The following CCDC126 variants were observed in gnomAD, a reference collection of about 807,000 sequenced individuals.
CCDC126 encodes the protein coiled-coil domain containing 126.
Under a neutral mutation model 11.7 loss-of-function variants are expected in CCDC126, and 5 were observed. The observed-to-expected ratio is 0.43, with a 90% confidence interval of 0.22 to 0.90. CCDC126 has a LOEUF of 0.90. CCDC126 is among the 40% of genes least tolerant of loss of function. The pLI is 0.27. For synonymous variants in CCDC126, 60 were observed against 61.9 expected (o/e 0.97, Z 0.14); for missense variants, 150 against 163.1 (o/e 0.92, Z 0.44).
At chr7:23,616,963 CT>C (rs1263710107) in intron 3 of CCDC126, among the ~76,000 whole-genome samples, 8 of 152,242 alleles carry the variant, frequency 5.3e-5, no homozygotes, top group Non-Finnish European at 7.4e-5. Context: ...CCATTTCTGT[CT>C]TTTTACTTCA....
At chr7:23,613,882 A>G (rs1782755793) in intron 3 of CCDC126, among the ~76,000 whole-genome samples, 2 of 152,226 alleles carry the variant, frequency 1.3e-5, no homozygotes, top group South Asian at 4.1e-4. Context: ...GTGCAGTAGC[A>G]TTATGTCTTA....
chr7:23,640,115 G>A (rs2128023058), intron 3 of CCDC126, among the ~76,000 whole-genome samples: 1 of 152,104 alleles, frequency 6.6e-6, no homozygotes, highest in South Asian at 2.1e-4. Context: ...CCTGGGAGGT[G>A]GAGGTTGCAG....
At chr7:23,638,746 A>AAAAAAAAAAAAAAAAAAAAAT (rs1783293973) in intron 3 of CCDC126, among the ~76,000 whole-genome samples, 1 of 116,928 alleles carries the variant, frequency 8.6e-6, no homozygotes, top group Non-Finnish European at 1.9e-5. Context: ...AAAAAAAAAA[A>AAAAAAAAAAAAAAAAAAAAAT]CCAAAAAGAT....
At chr7:23,640,859 C>T (rs938161987) in intron 3 of CCDC126, among the ~76,000 whole-genome samples, 1 of 152,160 alleles carries the variant, frequency 6.6e-6, no homozygotes, top group Non-Finnish European at 1.5e-5. Context: ...ATTGTATTTA[C>T]ATATATACCA....
chr7:23,628,573 AC>A (rs1234289010), intron 3 of CCDC126, among the ~76,000 whole-genome samples: 2 of 152,224 alleles, frequency 1.3e-5, no homozygotes, highest in African/African-American at 4.8e-5. Flanking sequence ...TTTCAAGGCT[AC>A]AGTGAGGCAT....
At chr7:23,600,531 C>T (rs1782522741) in intron 2 of CCDC126, among the ~76,000 whole-genome samples, 1 of 152,070 alleles carries the variant, frequency 6.6e-6, no homozygotes, top group East Asian at 1.9e-4. Flanking sequence ...AACCTCTGAG[C>T]TGTGGTGAAC....
chr7:23,619,586 T>A (rs1454583266), intron 3 of CCDC126: 5 of 214,786 alleles, frequency 2.3e-5, no homozygotes, highest in South Asian at 7.5e-5. Context: ...TTAAGAAAAA[T>A]ATATTTTTAT....
chr7:23,620,651 C>T (rs1308022931), intron 3 of CCDC126, among the ~76,000 whole-genome samples: 3 of 151,988 alleles, frequency 2.0e-5, no homozygotes, highest in Non-Finnish European at 2.9e-5. Flanking sequence ...GAAGTCCTTG[C>T]CCATGCCTAT....
In CCDC126 at chr7:23,605,174, G is replaced by C. The variant is rs565443488; in HGVS notation, c.-145-5997G>C. Among the ~76,000 whole-genome samples, 18 of 152,200 alleles carry C rather than the reference G, an allele frequency of 1.2e-4. No homozygotes were observed. The South Asian group carries it at 3.7e-3, about 32-fold the overall frequency. ...CAAGCTAGGGAATAGCAATTGTATAGACCCTGAGGTCAGAAAGAATTTAAT... is the reference window on the plus strand; with the variant it reads ...CAAGCTAGGGAATAGCAATTGTATACACCCTGAGGTCAGAAAGAATTTAAT... On this transcript the variant is annotated intron_variant, in intron 2 of 3. Transcript: ENST00000307471.
chr7:23,619,057 C>CA (rs1171157240), intron 3 of CCDC126, among the ~76,000 whole-genome samples: 1 of 152,138 alleles, frequency 6.6e-6, no homozygotes, highest in Non-Finnish European at 1.5e-5. Flanking sequence ...TCTCAGCACT[C>CA]ACTACCTTCA....
intron 2 of CCDC126, among the ~76,000 whole-genome samples, chr7:23,603,845 T>TG (rs887114332): frequency 2.0e-5 from 3 of 152,070 alleles, no homozygotes; most frequent in African/African-American, 7.2e-5. Flanking sequence ...CTAGGCTCTG[T>TG]GGGGGATGTG....
chr7:23,600,032 T>G (rs2128013255), intron 2 of CCDC126, among the ~76,000 whole-genome samples: 1 of 152,226 alleles, frequency 6.6e-6, no homozygotes, highest in South Asian at 2.1e-4. Context: ...TGATCCGCCC[T>G]CTTCAGCCTC....
chr7:23,640,024 A>AAT (rs1783325689), intron 3 of CCDC126, among the ~76,000 whole-genome samples: 1 of 151,792 alleles, frequency 6.6e-6, no homozygotes, highest in East Asian at 1.9e-4. Context: ...CTCTACTAAA[A>AAT]ATACAAAAAT....
At chr7:23,617,440 C>T (rs55960259) in intron 3 of CCDC126, among the ~76,000 whole-genome samples, 1,667 of 149,948 alleles carry the variant, frequency 0.011, 33 homozygotes, top group African/African-American at 0.039. Context: ...TTTTCTGAAG[C>T]GTTTTTATGT....
rs1446154513 is a variant in CCDC126, at chr7:23,611,568, G to A, written c.238+15G>A. 6.5e-7 allele frequency: 1 copy of A among 1,549,694 alleles called. No homozygotes were observed. The highest frequency in any genetic ancestry group is 1.4e-5 in the African/African-American group (1 of 73,532). Reference sequence around the variant, plus strand: ...GGCAGGATATGGTAAGATAACCGTAGAATATTTCTAGTTTCCTCCAATCCC... The same window carrying A: ...GGCAGGATATGGTAAGATAACCGTAAAATATTTCTAGTTTCCTCCAATCCC... On this transcript the variant is annotated intron_variant, in intron 3 of 3. Coordinates refer to ENST00000307471, the MANE Select transcript of CCDC126 (RefSeq NM_138771.4).
chr7:23,614,302 A>C (rs886530788), intron 3 of CCDC126, among the ~76,000 whole-genome samples: 1 of 152,158 alleles, frequency 6.6e-6, no homozygotes, highest in Non-Finnish European at 1.5e-5. Context: ...TTCCATCTCA[A>C]AAAACTACTT....
At chr7:23,621,371 C>G (rs1435775561) in intron 3 of CCDC126, among the ~76,000 whole-genome samples, 1 of 152,110 alleles carries the variant, frequency 6.6e-6, no homozygotes, top group East Asian at 1.9e-4. Context: ...CATGATTTGG[C>G]TCTCTGTTTG....
At chr7:23,638,576 T>A (rs1305821488) in intron 3 of CCDC126, among the ~76,000 whole-genome samples, 23 of 125,306 alleles carry the variant, frequency 1.8e-4, no homozygotes, top group Non-Finnish European at 3.1e-4. Flanking sequence ...ACACAAACAC[T>A]GCGGAAGGCC....
At chr7:23,622,968 CTTTTT>C (rs1228157804) in intron 3 of CCDC126, 18 of 92,042 alleles carry the variant, frequency 2.0e-4, no homozygotes, top group South Asian at 6.1e-4. Context: ...TATGCTCACT[CTTTTT>C]TTTTTTTTTT....
Sources: gnomAD v4.1 joint callset for allele counts (sites outside exome capture counted in the v4.1 genomes callset) on GRCh38, gnomAD v4.1.1 for gene constraint, MANE v1.5 for transcripts, NCBI Gene and HGNC (gene_info 2026-07-23, HGNC 2026-07-21) for gene names.